The following SPIDR variants were observed in gnomAD, a reference collection of about 807,000 sequenced individuals.
SPIDR encodes the protein scaffold protein involved in DNA repair, also known as DNA repair-scaffolding protein.
A neutral mutation model predicts 104.6 loss-of-function variants in SPIDR; 93 were observed. The ratio of observed to expected loss-of-function variants is 0.89; its 90% CI spans 0.75 to 1.06. The LOEUF is 1.06. SPIDR is among the 50% of genes least tolerant of loss of function. The probability of loss-of-function intolerance (pLI) is 0.00; values close to 1 mark genes in which losing one functional copy is unlikely to be tolerated. For missense variants in SPIDR, 1,154 were observed against 1,111.2 expected (o/e 1.04, Z -0.55); for synonymous variants, 431 against 416.9 (o/e 1.03, Z -0.41).
At chr8:47,298,596 G>T (rs1457479341) in intron 5 of SPIDR, among the ~76,000 whole-genome samples, 178 of 152,172 alleles carry the variant, frequency 1.2e-3, no homozygotes, top group African/African-American at 3.8e-3. Flanking sequence ...GGTCTAACAT[G>T]TAAGTCTTTA....
At chr8:47,716,524 T>C (rs933279618) in intron 16 of SPIDR, among the ~76,000 whole-genome samples, 1 of 152,130 alleles carries the variant, frequency 6.6e-6, no homozygotes, top group Non-Finnish European at 1.5e-5. Flanking sequence ...TTCTCATCTG[T>C]AAAATAGGGC....
rs1589581043 is a variant in SPIDR at position 47,727,403 on chromosome 8, G to C, written c.2435+110G>C. On this transcript the variant is annotated intron_variant, in intron 17 of 19. Coordinates refer to ENST00000297423, the MANE Select transcript of SPIDR (RefSeq NM_001080394.4). ...TCAGGTGACTCCCTCGAGAGCTCAA[G>C]GGGCAACCTCTGCCTCTGCTGAGCA... 1.4e-5 allele frequency: 13 copies of C among 933,426 alleles called. No homozygotes were observed. In the East Asian group the frequency reaches 3.4e-4, roughly 24 times the overall value. 57.8% of individuals were successfully genotyped at this position (933,426 alleles called of 1,614,324 possible).
intron 5 of SPIDR, among the ~76,000 whole-genome samples, chr8:47,352,347 C>T (rs1422660180): frequency 6.6e-6 from 1 of 151,718 alleles, no homozygotes; most frequent in Non-Finnish European, 1.5e-5. Context: ...GGAGTCTAGG[C>T]TGTAAAATAT....
rs1306684881 is a variant in SPIDR at position 47,701,961 on chromosome 8, T to C, written c.1923T>C (p.Asn641=). 1.2e-6 allele frequency: 2 copies of C among 1,614,120 alleles called. No homozygotes were observed. Among genetic ancestry groups the C allele is most frequent in the East Asian group, 4.5e-5 (2 of 44,880 alleles). ...CTTTTCTAATTCCTTTCCAGATGAA[T>C]GATCTTGGTACCCGTTGCAGTTTCT... ...TRCLRDILQM[N]DLGTRCSFYA... The change falls in exon 14 of 20, where the codon AAT becomes AAC. Residue 641 remains asparagine, a synonymous_variant. Coordinates refer to ENST00000297423, the MANE Select transcript of SPIDR (RefSeq NM_001080394.4).
At chr8:47,729,579 A>G in intron 19 of SPIDR, 114 bp downstream of exon 19, 1 of 1,222,816 alleles carries the variant, frequency 8.2e-7, no homozygotes. Flanking sequence ...CCATCCCACT[A>G]GGAAGTGGTG....
intron 8 of SPIDR, among the ~76,000 whole-genome samples, chr8:47,494,857 A>G (rs1020748198): frequency 6.6e-6 from 1 of 152,116 alleles, no homozygotes; most frequent in Non-Finnish European, 1.5e-5. Flanking sequence ...GATACTTCTT[A>G]TTTTTCAATC....
At chr8:47,590,159 G>C (rs2060824405) in intron 8 of SPIDR, among the ~76,000 whole-genome samples, 2 of 148,462 alleles carry the variant, frequency 1.3e-5, no homozygotes, top group South Asian at 4.2e-4. Context: ...AGGTGACAGA[G>C]CAAGACTCTG....
chr8:47,684,906 A>C (rs971495728), intron 11 of SPIDR, among the ~76,000 whole-genome samples: 1 of 152,210 alleles, frequency 6.6e-6, no homozygotes, highest in Non-Finnish European at 1.5e-5. Context: ...GTACAGAGAG[A>C]TCTAGTTAAA....
chr8:47,525,664 G>A (rs1254574313), intron 8 of SPIDR, among the ~76,000 whole-genome samples: 1 of 151,962 alleles, frequency 6.6e-6, no homozygotes, highest in Non-Finnish European at 1.5e-5. Flanking sequence ...AGCCAGACGT[G>A]GTGGCATACG....
At chr8:47,333,395 G>A (rs559675678) in intron 5 of SPIDR, among the ~76,000 whole-genome samples, 4 of 152,172 alleles carry the variant, frequency 2.6e-5, no homozygotes, top group African/African-American at 9.6e-5. Context: ...TCGGCCTCCT[G>A]GGTTCAAGCA....
chr8:47,537,371 A>G (rs72646353), intron 8 of SPIDR, among the ~76,000 whole-genome samples: 4,477 of 152,346 alleles, frequency 0.029, 98 homozygotes, highest in Non-Finnish European at 0.047. Context: ...ACACAATAGA[A>G]TATTACTCAG....
At chr8:47,337,061 C>A (rs1294515862) in intron 5 of SPIDR, among the ~76,000 whole-genome samples, 1 of 152,116 alleles carries the variant, frequency 6.6e-6, no homozygotes, top group Non-Finnish European at 1.5e-5. Flanking sequence ...TGTATATGTT[C>A]TTTGGAGAAA....
At chr8:47,457,477 T>C (rs1394009442) in intron 8 of SPIDR, among the ~76,000 whole-genome samples, 1 of 152,148 alleles carries the variant, frequency 6.6e-6, no homozygotes. Flanking sequence ...TTTGAGTTCC[T>C]TGTAGATTCT....
chr8:47,265,458 TG>T (rs1464048894), intron 1 of SPIDR, among the ~76,000 whole-genome samples: 1 of 152,080 alleles, frequency 6.6e-6, no homozygotes, highest in Non-Finnish European at 1.5e-5. Flanking sequence ...CCCAAAGTGC[TG>T]GGGTTACAGC....
At chr8:47,395,343 C>T (rs1269254537) in intron 5 of SPIDR, among the ~76,000 whole-genome samples, 1 of 151,872 alleles carries the variant, frequency 6.6e-6, no homozygotes. Flanking sequence ...AGTGAGACTC[C>T]ATCTCAAAGA....
chr8:47,476,577 A>G (rs2076316521), intron 8 of SPIDR, among the ~76,000 whole-genome samples: 1 of 151,400 alleles, frequency 6.6e-6, no homozygotes, highest in Non-Finnish European at 1.5e-5. Flanking sequence ...CCCCTTTCTC[A>G]CCTCACCACC....
At chr8:47,675,098 G>A (rs539368238) in intron 11 of SPIDR, among the ~76,000 whole-genome samples, 7 of 152,230 alleles carry the variant, frequency 4.6e-5, no homozygotes, top group African/African-American at 7.2e-5. Context: ...GTGCAATGGC[G>A]CCGTCTTGGC....
At chr8:47,558,591 G>C (rs1002776907) in intron 8 of SPIDR, among the ~76,000 whole-genome samples, 2 of 151,894 alleles carry the variant, frequency 1.3e-5, no homozygotes, top group African/African-American at 4.8e-5. Context: ...TTTGTGAATG[G>C]TGATTGTCTT....
chr8:47,708,499 C>A (rs935964636), intron 14 of SPIDR, among the ~76,000 whole-genome samples: 1 of 152,140 alleles, frequency 6.6e-6, no homozygotes, highest in Non-Finnish European at 1.5e-5. Flanking sequence ...ACATTGCTCA[C>A]AACTAATGAA....
Sources: allele counts gnomAD v4.1 joint callset (sites outside exome capture counted in the v4.1 genomes callset), GRCh38; gene constraint gnomAD v4.1.1; transcripts MANE v1.5; gene names NCBI Gene and HGNC (gene_info 2026-07-23, HGNC 2026-07-21).